ALG9: variants seen among roughly 807,000 people sequenced by gnomAD.
The protein encoded by ALG9 is alpha-1,2-mannosyltransferase ALG9.
In ALG9, 55 loss-of-function variants were observed where a neutral mutation model predicts 81.8. The observed-to-expected ratio is 0.67, with a 90% CI of 0.54 to 0.84. The LOEUF (loss-of-function observed/expected upper bound fraction) is 0.84. Among genes scored for constraint, ALG9 ranks in the 40% least tolerant of loss-of-function variants. ALG9 has a pLI of 0.00. For missense variants in ALG9, 629 were observed against 745.0 expected (o/e 0.84, Z 1.81); for synonymous variants, 278 against 274.3 (o/e 1.01, Z -0.13).
At chr11:111,826,874 C>T (rs369933476) in intron 13 of ALG9, among the ~76,000 whole-genome samples, 1 of 152,118 alleles carries the variant, frequency 6.6e-6, no homozygotes. Flanking sequence ...TGTTCTTTTT[C>T]TATTTTCTAT....
chr11:111,780,058 T>A (rs1555056396), downstream of ALG9, among the ~76,000 whole-genome samples: 1 of 152,228 alleles, frequency 6.6e-6, no homozygotes, highest in Non-Finnish European at 1.5e-5. Flanking sequence ...CAATCTGATG[T>A]ATGGCTACGG....
intron 14 of ALG9, among the ~76,000 whole-genome samples, chr11:111,793,590 T>C (rs1947780250): frequency 6.6e-6 from 1 of 151,842 alleles, no homozygotes; most frequent in Non-Finnish European, 1.5e-5. Flanking sequence ...TGAAACCCCT[T>C]CTCTACTAAA....
At chr11:111,793,561 A>G (rs1459801810) in intron 14 of ALG9, among the ~76,000 whole-genome samples, 1 of 152,162 alleles carries the variant, frequency 6.6e-6, no homozygotes, top group Admixed American at 6.5e-5. Context: ...GGAGAGCAAG[A>G]CCATCCTGGC....
At chr11:111,871,300 G>A (rs1430061346) in intron 1 of ALG9, 52 bp downstream of exon 1, 6 of 1,379,158 alleles carry the variant, frequency 4.4e-6, no homozygotes, top group Admixed American at 3.8e-5. Context: ...CCCGGGGGCA[G>A]CCCCGAACCG....
chr11:111,803,208 A>G (rs782527827), intron 14 of ALG9, among the ~76,000 whole-genome samples: 2 of 152,170 alleles, frequency 1.3e-5, no homozygotes, highest in Non-Finnish European at 2.9e-5. Flanking sequence ...AATATTGAAG[A>G]AGAACAAGGT....
At chr11:111,807,848 G>A (rs1160258334) in intron 14 of ALG9, among the ~76,000 whole-genome samples, 1 of 152,182 alleles carries the variant, frequency 6.6e-6, no homozygotes, top group Non-Finnish European at 1.5e-5. Context: ...ACTTTGGGAG[G>A]CTGAGGTGGG....
rs188314506 is a variant in ALG9, at chr11:111,791,949, G to T, written c.1734-5429C>A. 2.0e-5 allele frequency among the ~76,000 whole-genome samples: 3 copies of T among 152,338 alleles called. No homozygotes were observed. The South Asian group carries it at 6.2e-4, about 32-fold the overall frequency. On this transcript the variant is annotated intron_variant, in intron 14 of 14. Coordinates refer to ENST00000616540, the MANE Select transcript of ALG9 (RefSeq NM_024740.2). ...AAATACAAAATTAGTTGGCTGTGGTGGCGTGCGCCTGTAATCCCAATTATT... is the reference window on the plus strand; with the variant it reads ...AAATACAAAATTAGTTGGCTGTGGTTGCGTGCGCCTGTAATCCCAATTATT...
At chr11:111,858,041 A>AC in intron 5 of ALG9, 1 of 367,022 alleles carries the variant, frequency 2.7e-6, no homozygotes, top group Middle Eastern at 9.6e-4. Context: ...GGTTCAAGCG[A>AC]TTCTCTTGAC....
Position 111,838,488 on chromosome 11 carries a change from T to C in ALG9, c.1174-89A>G, listed in dbSNP as rs1489493897. On this transcript the variant is annotated intron_variant, in intron 10 of 14. Coordinates refer to ENST00000616540, the MANE Select transcript of ALG9 (RefSeq NM_024740.2). ...AGCGAAGCCAAAAAAGAGGTTCTAT[T>C]AGGGATCTGAGCATTTGCCAACAGT... is the stretch of plus-strand genomic sequence containing the variant. 3.2e-6 allele frequency: 4 copies of C among 1,234,196 alleles called. No individual in the cohort carries two copies. The East Asian group carries it at 1.0e-4, about 32-fold the overall frequency. The allele number at this position is 1,234,196 out of a possible 1,614,324, so 76.5% of individuals were successfully genotyped here.
Position 111,809,689 on chromosome 11 carries a change from CTTT to C in ALG9, c.1684_1686del (p.Lys562del). Reference sequence around the variant, plus strand: ...CTATAGGCCAAGCTGATCCATTCTTCTTTATTGGATGAATATTTTGGCTCCCGG... The same window carrying C: ...CTATAGGCCAAGCTGATCCATTCTTCATTGGATGAATATTTTGGCTCCCGG... On this transcript the variant is annotated inframe_deletion, in exon 14 of 15. Transcript: ENST00000616540. The C allele has an allele frequency of 6.2e-7, 1 of 1,614,068 alleles. No homozygotes were observed. The highest frequency in any genetic ancestry group is 8.5e-7 in the Non-Finnish European group (1 of 1,179,980).
rs28411399 is a variant in ALG9, at chr11:111,871,472, C to T, written c.11G>A (p.Arg4Gln). The T allele has an allele frequency of 6.5e-7, 1 of 1,536,684 alleles. No homozygotes were observed. Among genetic ancestry groups the T allele is most frequent in the African/African-American group, 1.4e-5 (1 of 73,142 alleles). MAS[R>Q]GARQRLKGSG... The stretch of plus-strand genomic sequence containing the variant: ...GCCCTTCAGGCGCTGCCGAGCCCCT[C>T]GACTAGCCATGGCAAGCCTGGGGAA... Residue 4 changes from arginine (R) to glutamine (Q), a missense_variant, in exon 1 of 15, where the codon CGA (arginine) becomes CAA (glutamine). Coordinates refer to ENST00000616540, the MANE Select transcript of ALG9 (RefSeq NM_024740.2).
At chr11:111,866,285 G>A (rs1367337809) in intron 3 of ALG9, among the ~76,000 whole-genome samples, 1 of 152,170 alleles carries the variant, frequency 6.6e-6, no homozygotes, top group East Asian at 1.9e-4. Context: ...GACAGAGTGA[G>A]ACTCCATCTC....
chr11:111,815,785 T>G (rs975409092), intron 13 of ALG9, among the ~76,000 whole-genome samples: 3 of 152,206 alleles, frequency 2.0e-5, no homozygotes, highest in African/African-American at 4.8e-5. Flanking sequence ...TAAATAAAAC[T>G]GGTAAACTGT....
intron 13 of ALG9, among the ~76,000 whole-genome samples, chr11:111,813,875 G>C (rs536324936): frequency 6.6e-6 from 1 of 152,342 alleles, no homozygotes; most frequent in Non-Finnish European, 1.5e-5. Flanking sequence ...GTTGGTAAGA[G>C]TTCTTTAGAA....
At chr11:111,870,102 GTTTTT>G in intron 2 of ALG9, 125 bp downstream of exon 2, 1 of 949,712 alleles carries the variant, frequency 1.1e-6, no homozygotes, top group Non-Finnish European at 1.4e-6. Context: ...CTGTTTTTTT[GTTTTT>G]TTTTTTAAGA....
chr11:111,789,362 C>T (rs1419027215), intron 14 of ALG9, among the ~76,000 whole-genome samples: 3 of 151,944 alleles, frequency 2.0e-5, no homozygotes, highest in Non-Finnish European at 2.9e-5. Context: ...AGCAATCCTC[C>T]CACCTCAGCT....
chr11:111,800,606 A>T (rs1220487903), intron 14 of ALG9, among the ~76,000 whole-genome samples: 1 of 151,924 alleles, frequency 6.6e-6, no homozygotes, highest in African/African-American at 2.4e-5. Flanking sequence ...CATACCAGGA[A>T]AACTCCAGGT....
At chr11:111,828,720 C>T (rs1388233135) in intron 13 of ALG9, 1 of 152,206 alleles carries the variant, frequency 6.6e-6, no homozygotes, top group East Asian at 1.9e-4. Context: ...CTCAAGTCCA[C>T]CACAGATCTT....
intron 13 of ALG9, among the ~76,000 whole-genome samples, chr11:111,834,512 T>C (rs1555115796): frequency 6.6e-6 from 1 of 152,214 alleles, no homozygotes; most frequent in Admixed American, 6.5e-5. Context: ...AATATCATAA[T>C]TCCAAAGTAG....
Sources: gnomAD v4.1 joint callset for allele counts (sites outside exome capture counted in the v4.1 genomes callset) on GRCh38, gnomAD v4.1.1 for gene constraint, MANE v1.5 for transcripts, NCBI Gene and HGNC (gene_info 2026-07-23, HGNC 2026-07-21) for gene names.